Variants in SURF1 observed in about 807,000 individuals in gnomAD.
The protein encoded by SURF1 is SURF1 cytochrome c oxidase assembly factor, also known as surfeit locus protein 1.
SURF1 carries 45 observed loss-of-function variants against 34.1 expected under a neutral mutation model. That is an observed-to-expected ratio of 1.32 (90% CI 1.04 to 1.69). The LOEUF (loss-of-function observed/expected upper bound fraction) is 1.69, where lower values mean the gene tolerates loss of function less well. Ranked by LOEUF, SURF1 falls within the 40% of genes most tolerant of loss-of-function variation. The pLI, the probability that SURF1 is intolerant of heterozygous loss-of-function variation, is 0.00. For missense variants in SURF1, 456 were observed against 384.6 expected, an observed-to-expected ratio of 1.19 and a Z score of -1.55; for synonymous variants, 188 against 147.5, an observed-to-expected ratio of 1.27 and a Z score of -1.99.
At chr9:133,355,848 G>A (rs2130023207) in intron 2 of SURF1, among the ~76,000 whole-genome samples, 1 of 151,766 alleles carries the variant, frequency 6.6e-6, no homozygotes, top group East Asian at 1.9e-4. Flanking sequence ...AGGCAGGCCT[G>A]GGGCAGGCTT....
intron 4 of SURF1, chr9:133,354,176 T>TA: frequency 1.7e-6 from 1 of 598,238 alleles, no homozygotes; most frequent in Non-Finnish European, 3.0e-6. Context: ...TGTGAAATTT[T>TA]AAAAAATATG....
At chr9:133,353,097 C>G (rs2130012160) in intron 5 of SURF1, among the ~76,000 whole-genome samples, 5 of 152,212 alleles carry the variant, frequency 3.3e-5, no homozygotes, top group African/African-American at 4.8e-5. Context: ...CACCTCTCCC[C>G]TGAACTATGG....
rs1588690912 is a variant in SURF1 at position 133,353,774 on chromosome 9, T to A, written c.490A>T (p.Thr164Ser). The change falls in exon 5 of 9, where the codon ACT becomes TCT. Residue 164 changes from threonine to serine, a missense_variant. Physicochemically the swap from Thr to Ser is moderately conservative, Grantham distance 58. Coordinates refer to ENST00000371974, the MANE Select transcript of SURF1 (RefSeq NM_003172.4). ...SSTQSGAYVVTPFHCTDLGVT... is the reference protein window; with the variant it reads ...SSTQSGAYVVSPFHCTDLGVT... ...CCCAGGTCGGTGCAGTGGAAGGGAG[T>A]GACCACATAGGCCCCACTCTGAGTT... 1.2e-6 allele frequency: 2 copies of A among 1,613,578 alleles called. No individual in the cohort carries two copies. Among genetic ancestry groups the A allele is most frequent in the African/African-American group, 2.7e-5 (2 of 74,870 alleles).
rs1564349109 is a variant in SURF1 at position 133,353,772 on chromosome 9, A to T, written c.492T>A (p.Thr164=). 1 of 1,613,794 alleles carries T rather than the reference A, an allele frequency of 6.2e-7. No individual in the cohort carries two copies. The highest frequency in any genetic ancestry group is 2.2e-5 in the East Asian group (1 of 44,874). ...SSTQSGAYVV[T]PFHCTDLGVT... ...ACCCCAGGTCGGTGCAGTGGAAGGG[A>T]GTGACCACATAGGCCCCACTCTGAG... The change falls in exon 5 of 9, where the codon ACT becomes ACA. Residue 164 remains threonine, a synonymous_variant. Coordinates refer to ENST00000371974, the MANE Select transcript of SURF1 (RefSeq NM_003172.4).
chr9:133,351,988 G>A lies in SURF1; in HGVS notation c.834-6C>T, dbSNP rs2130003404. 3.1e-6 allele frequency: 5 copies of A among 1,613,826 alleles called. No homozygotes were observed. The highest frequency in any genetic ancestry group is 3.4e-6 in the Non-Finnish European group (4 of 1,179,928). ...TAGCTGCAGAGAGTCCATACCTAGG[G>A]GTTGAAAGCAAGCCAGCATTAGCAG... On this transcript the variant is annotated splice_region_variant and splice_polypyrimidine_tract_variant and intron_variant, in intron 8 of 8. Coordinates refer to ENST00000371974, the MANE Select transcript of SURF1 (RefSeq NM_003172.4).
chr9:133,353,547 T>C (rs1292099244), intron 5 of SURF1, among the ~76,000 whole-genome samples: 1 of 152,224 alleles, frequency 6.6e-6, no homozygotes, highest in East Asian at 1.9e-4. Context: ...ACAGAAATTA[T>C]CCAGTCATAA....
chr9:133,352,731 C>T lies in SURF1; in HGVS notation c.551G>A (p.Arg184Lys), dbSNP rs2130009698. 1.1e-5 allele frequency: 17 copies of T among 1,612,978 alleles called. No homozygotes were observed. The highest frequency in any genetic ancestry group is 1.4e-5 in the Non-Finnish European group (16 of 1,179,714). ...CCGGGTTTCAGGATTCACTTTCTTC[C>T]TGGGAACGAACCCTCTATTTACCAG... ...TILVNRGFVP[R>K]KKVNPETRQK... The change falls in exon 6 of 9, where the codon AGG (arginine) becomes AAG (lysine). Residue 184 changes from arginine (R) to lysine (K), a missense_variant. Coordinates refer to ENST00000371974, the MANE Select transcript of SURF1 (RefSeq NM_003172.4).
rs2130005223 is a variant in SURF1 at position 133,352,156 on chromosome 9, A to T, written c.752-14T>A. 1.9e-6 allele frequency: 3 copies of T among 1,584,762 alleles called. No individual in the cohort carries two copies. The Admixed American group carries it at 5.4e-5, about 28-fold the overall frequency. On this transcript the variant is annotated splice_polypyrimidine_tract_variant and intron_variant, in intron 7 of 8. Coordinates refer to ENST00000371974, the MANE Select transcript of SURF1 (RefSeq NM_003172.4). ...GGACTGTGCTCTCTGTGGAGACAGC[A>T]GACTCAAGTCCACCCCCTACTGGCC...
chr9:133,352,478 C>G lies in SURF1; in HGVS notation c.719G>C (p.Gly240Ala), dbSNP rs781858979. The G allele has an allele frequency of 6.2e-7, 1 of 1,614,088 alleles. No individual in the cohort carries two copies. Among genetic ancestry groups the G allele is most frequent in the African/African-American group, 1.3e-5 (1 of 74,924 alleles). ...GGCATCAATGAAGATGGGCTCTGCGCCTGTGATTCTGGCCATAGCTTCCAG... is the reference window on the plus strand; with the variant it reads ...GGCATCAATGAAGATGGGCTCTGCGGCTGTGATTCTGGCCATAGCTTCCAG... The part of the protein sequence containing the change: ...RDLEAMARIT[G>A]AEPIFIDANF... Residue 240 changes from glycine (G) to alanine (A), a missense_variant, in exon 7 of 9, where the codon GGC becomes GCC. Gly to Ala is a moderately conservative substitution (Grantham distance 60, BLOSUM62 0). Coordinates refer to ENST00000371974, the MANE Select transcript of SURF1 (RefSeq NM_003172.4).
At chr9:133,353,723 A>C (rs2130014051) in intron 5 of SURF1, 26 bp downstream of exon 5, 1 of 1,613,252 alleles carries the variant, frequency 6.2e-7, no homozygotes, top group Non-Finnish European at 8.5e-7. Context: ...CTGCCAGGAC[A>C]GCCAGCTCCC....
chr9:133,354,126 A>T, intron 4 of SURF1, 186 bp from the exon 5 acceptor site: 1 of 693,090 alleles, frequency 1.4e-6, no homozygotes, highest in Admixed American at 2.2e-5. Context: ...CCAACTTTAC[A>T]AGAGAGGCTA....
chr9:133,354,185 T>C (rs1202191066), intron 4 of SURF1: 3 of 589,706 alleles, frequency 5.1e-6, no homozygotes, highest in East Asian at 6.0e-5. Flanking sequence ...TTAAAAAATA[T>C]GTGGGCCAAA....
chr9:133,352,052 G>C lies in SURF1; in HGVS notation c.833+9C>G, dbSNP rs1836428938. ...AGGGGAGGAAGCCAGAGGGCCGCTG[G>C]GGACTCACCAGGTCACGATGTACTG... On this transcript the variant is annotated intron_variant, in intron 8 of 8. Coordinates refer to ENST00000371974, the MANE Select transcript of SURF1 (RefSeq NM_003172.4). 1 of 1,611,996 alleles carries C rather than the reference G, an allele frequency of 6.2e-7. No individual in the cohort carries two copies. Among genetic ancestry groups the C allele is most frequent in the South Asian group, 1.1e-5 (1 of 90,656 alleles).
chr9:133,354,120 C>CTT, intron 4 of SURF1, 180 bp from the exon 5 acceptor site: 1 of 713,122 alleles, frequency 1.4e-6, no homozygotes, highest in Non-Finnish European at 2.5e-6. Flanking sequence ...CAGAGTCCAA[C>CTT]TTTACAAGAG....
Sources: allele counts gnomAD v4.1 joint callset (sites outside exome capture counted in the v4.1 genomes callset), GRCh38; gene constraint gnomAD v4.1.1; transcripts MANE v1.5; gene names NCBI Gene and HGNC (gene_info 2026-07-23, HGNC 2026-07-21).